Variants in MAST2 observed in about 807,000 individuals in gnomAD.
MAST2 encodes the protein microtubule associated serine/threonine kinase 2.
Under a neutral mutation model 147.4 loss-of-function variants are expected in MAST2, and 70 were observed. That is an observed-to-expected ratio of 0.47 (90% CI 0.39 to 0.58). The LOEUF (loss-of-function observed/expected upper bound fraction) is 0.58. Ranked by LOEUF, MAST2 falls within the 20% of genes least tolerant of loss-of-function variation. The pLI is 0.00. For synonymous variants in MAST2, 869 were observed against 896.8 expected, an observed-to-expected ratio of 0.97 and a Z score of 0.55; for missense variants, 2,080 against 2,302.3, an observed-to-expected ratio of 0.90 and a Z score of 1.98.
chr1:45,864,307 C>T (rs1646072695), intron 3 of MAST2, among the ~76,000 whole-genome samples: 1 of 152,178 alleles, frequency 6.6e-6, no homozygotes, highest in Non-Finnish European at 1.5e-5. Context: ...TGAATTTGTC[C>T]ATGCTCAGAA....
At chr1:46,032,872 G>A (rs1363412040) in intron 26 of MAST2, among the ~76,000 whole-genome samples, 154 bp downstream of exon 26, 3 of 151,882 alleles carry the variant, frequency 2.0e-5, no homozygotes, top group Non-Finnish European at 2.9e-5. Flanking sequence ...GCTCATGCCT[G>A]TAAATCCCAA....
chr1:45,983,030 A>G (rs969220443), intron 5 of MAST2, among the ~76,000 whole-genome samples: 1 of 152,176 alleles, frequency 6.6e-6, no homozygotes, highest in Non-Finnish European at 1.5e-5. Context: ...TTCCCCTTGC[A>G]TTACAGATGC....
chr1:46,011,059 C>T, intron 10 of MAST2, 120 bp downstream of exon 10: 2 of 807,522 alleles, frequency 2.5e-6, no homozygotes, highest in Non-Finnish European at 3.9e-6. Context: ...TGTTACCCAC[C>T]CTCAAAGGTA....
intron 4 of MAST2, among the ~76,000 whole-genome samples, chr1:45,920,162 T>G (rs1255733406): frequency 1.3e-5 from 2 of 152,196 alleles, no homozygotes; most frequent in Non-Finnish European, 2.9e-5. Context: ...TCTGGGTCCT[T>G]AGTGAGCCCT....
chr1:46,030,236 A>G lies in MAST2; in HGVS notation c.2551A>G (p.Lys851Glu). The change falls in exon 21 of 29, where the codon AAG becomes GAG. Residue 851 changes from lysine to glutamate, a missense_variant and splice_region_variant. This residue lies in a region of MAST2 where 1,278 missense variants were observed against 1,304.2 expected (regional missense o/e 0.98). Transcript: ENST00000361297. ...CTCTTCCTGCTCTCCAAGGTTCAAC[A>G]AGGTGTGACTGAGGAGGCCCAGAAT... ...QFSSCSPRFN[K>E]VYSSMERLSL... 1 of 1,613,916 alleles carries G rather than the reference A, an allele frequency of 6.2e-7. No homozygotes were observed. The highest frequency in any genetic ancestry group is 1.7e-5 in the Admixed American group (1 of 60,006).
intron 4 of MAST2, among the ~76,000 whole-genome samples, chr1:45,887,268 A>G (rs552972591): frequency 4.6e-5 from 7 of 152,326 alleles, no homozygotes; most frequent in Non-Finnish European, 1.0e-4. Context: ...AATTTTCCTC[A>G]TATTTCATGA....
intron 7 of MAST2, 152 bp downstream of exon 7, chr1:46,003,035 G>A: frequency 1.3e-6 from 1 of 762,456 alleles, no homozygotes; most frequent in Non-Finnish European, 2.2e-6. Flanking sequence ...ACAGAGGGCT[G>A]GGGTCCCTTC....
At position 46,034,882 on chromosome 1, in the gene MAST2, G is replaced by A; in HGVS notation, c.4213G>A (p.Val1405Met). 6.2e-7 allele frequency: 1 copy of A among 1,614,238 alleles called. No individual in the cohort carries two copies. The highest frequency in any genetic ancestry group is 1.3e-5 in the African/African-American group (1 of 75,060). ...ACCCCGTTCACCACTACTCAAGAGG[G>A]TGCAGTCGGCTGAGAAACTGGCAGC... Reference protein sequence around the residue: ...EPPRSPLLKRVQSAEKLAAAL... With the variant: ...EPPRSPLLKRMQSAEKLAAAL... The change falls in exon 29 of 29, where the codon GTG becomes ATG. Residue 1405 changes from valine to methionine, a missense_variant. Around this residue, in one of 4 missense-constraint regions of MAST2, gnomAD observed 1,278 missense variants for 1,304.2 expected, o/e 0.98. Coordinates refer to ENST00000361297, the MANE Select transcript of MAST2 (RefSeq NM_015112.3).
intron 4 of MAST2, among the ~76,000 whole-genome samples, chr1:45,893,596 T>C (rs61783223): frequency 1.6e-5 from 2 of 123,174 alleles, no homozygotes; most frequent in Non-Finnish European, 3.5e-5. Flanking sequence ...CTGTAGGATA[T>C]TTTAAAAAAA....
intron 4 of MAST2, among the ~76,000 whole-genome samples, chr1:45,942,981 G>A (rs1221924454): frequency 2.6e-5 from 4 of 152,194 alleles, no homozygotes; most frequent in Non-Finnish European, 4.4e-5. Context: ...TTCAGTGTCA[G>A]TGTATGGAAG....
At chr1:45,959,052 G>A (rs915204543) in intron 4 of MAST2, among the ~76,000 whole-genome samples, 1 of 152,134 alleles carries the variant, frequency 6.6e-6, no homozygotes, top group Non-Finnish European at 1.5e-5. Flanking sequence ...AAATCAATTT[G>A]CAGTGGTCAT....
chr1:46,024,915 T>TA (rs1367977757), intron 15 of MAST2, among the ~76,000 whole-genome samples: 1 of 152,208 alleles, frequency 6.6e-6, no homozygotes, highest in Non-Finnish European at 1.5e-5. Flanking sequence ...TTAGTGGACT[T>TA]ACAGTTCCAT....
At chr1:45,975,601 A>G (rs9919273) in intron 5 of MAST2, among the ~76,000 whole-genome samples, 148,844 of 149,072 alleles carry the variant, frequency 1, 74,312 homozygotes, top group Non-Finnish European at 1. Flanking sequence ...GAGTACAGGA[A>G]GTCACGGCTG....
At chr1:45,860,833 CA>C (rs886432267) in intron 3 of MAST2, among the ~76,000 whole-genome samples, 28 of 145,192 alleles carry the variant, frequency 1.9e-4, no homozygotes, top group African/African-American at 2.8e-4. Context: ...ACTCCGTCTC[CA>C]AAAAAAAAAA....
At chr1:45,847,086 C>T in intron 3 of MAST2, 1 of 466,622 alleles carries the variant, frequency 2.1e-6, no homozygotes, top group Non-Finnish European at 4.4e-6. Context: ...AATAGTTTTC[C>T]TCTTGCACTT....
intron 3 of MAST2, among the ~76,000 whole-genome samples, chr1:45,849,702 A>G (rs1181832817): frequency 1.3e-5 from 2 of 151,848 alleles, no homozygotes; most frequent in African/African-American, 4.8e-5. Context: ...AATTTTTTGT[A>G]TTTTTAGTAG....
Position 46,031,643 on chromosome 1 carries a change from C to A in MAST2, c.3187+58C>A. Reference sequence around the variant, plus strand: ...CAGGAAGGGCCTTGTAATCTCTAGGCCTTGGGAGGGTTCTGCACGTGGCAG... The same window carrying A: ...CAGGAAGGGCCTTGTAATCTCTAGGACTTGGGAGGGTTCTGCACGTGGCAG... On this transcript the variant is annotated intron_variant, in intron 24 of 28. Coordinates refer to ENST00000361297, the MANE Select transcript of MAST2 (RefSeq NM_015112.3). The surrounding 1 kb of genome is among the most constrained non-coding windows in gnomAD (Gnocchi z 4.1). 1 of 1,532,898 alleles carries A rather than the reference C, an allele frequency of 6.5e-7. No homozygotes were observed. Among genetic ancestry groups the A allele is most frequent in the Non-Finnish European group, 8.9e-7 (1 of 1,125,082 alleles). 95.0% of individuals were successfully genotyped at this position (1,532,898 alleles called of 1,614,324 possible).
chr1:45,985,690 G>A (rs952373065), intron 5 of MAST2, among the ~76,000 whole-genome samples: 1 of 152,198 alleles, frequency 6.6e-6, no homozygotes, highest in Non-Finnish European at 1.5e-5. Flanking sequence ...TGCTGAATCT[G>A]TAGATCAGTT....
At chr1:45,846,715 C>T (rs148897944) in intron 3 of MAST2, among the ~76,000 whole-genome samples, 5 of 151,950 alleles carry the variant, frequency 3.3e-5, no homozygotes, top group African/African-American at 7.2e-5. Context: ...ATCCTAGCTA[C>T]CTGGGAGGCT....
Sources: allele counts gnomAD v4.1 joint callset (sites outside exome capture counted in the v4.1 genomes callset), GRCh38; gene constraint gnomAD v4.1.1; regional missense constraint gnomAD v4.1.1; non-coding constraint Gnocchi (gnomAD v3.1); transcripts MANE v1.5; gene names NCBI Gene and HGNC (gene_info 2026-07-23, HGNC 2026-07-21).